The following AAK1 variants were observed in gnomAD, a reference collection of about 807,000 sequenced individuals.
AAK1 encodes AP2-associated protein kinase 1.
In AAK1, 37 loss-of-function variants were observed where a neutral mutation model predicts 116.0. The observed-to-expected ratio is 0.32, with a 90% CI of 0.25 to 0.42. The LOEUF (loss-of-function observed/expected upper bound fraction) is 0.42. Ranked by LOEUF, AAK1 falls within the 10% of genes least tolerant of loss-of-function variation. The pLI is 1.00. For synonymous variants in AAK1, 458 were observed against 439.9 expected, an observed-to-expected ratio of 1.04 and a Z score of -0.51; for missense variants, 919 against 1,170.6, an observed-to-expected ratio of 0.79 and a Z score of 3.14.
rs1558876391 is a variant in AAK1, at chr2:69,460,919, T to C, written c.*14950A>G. The C allele has an allele frequency of 1.3e-5, 2 of 152,242 alleles. No homozygotes were observed. The highest frequency in any genetic ancestry group is 6.5e-5 in the Admixed American group (1 of 15,280). 9.4% of individuals were successfully genotyped at this position (152,242 alleles called of 1,614,324 possible). On this transcript the variant is annotated 3_prime_UTR_variant, in exon 22 of 22. Coordinates refer to ENST00000409085, the MANE Select transcript of AAK1 (RefSeq NM_014911.5). ...TGGCTCGATGGTTTAGGAATAAATA[T>C]ATTCTGGCTCAATGCTTTCCACTGA...
intron 17 of AAK1, among the ~76,000 whole-genome samples, chr2:69,486,105 C>A (rs1675291555): frequency 6.6e-6 from 1 of 151,978 alleles, no homozygotes; most frequent in African/African-American, 2.4e-5. Flanking sequence ...CAGGCATGTA[C>A]CACCATGCTC....
At chr2:69,526,608 G>A (rs1022212996) in intron 9 of AAK1, among the ~76,000 whole-genome samples, 4 of 152,074 alleles carry the variant, frequency 2.6e-5, no homozygotes, top group Admixed American at 1.3e-4. Flanking sequence ...ATGCCCAGCC[G>A]TACTAGCAAC....
chr2:69,472,421 A>T lies in AAK1; in HGVS notation c.*3448T>A. On this transcript the variant is annotated 3_prime_UTR_variant, in exon 22 of 22. Coordinates refer to ENST00000409085, the MANE Select transcript of AAK1 (RefSeq NM_014911.5). ...CCTTGATATTATTTCTAAGGAGAGG[A>T]GTTTCAAAAATAACTTTAAGGATGG... 1 of 257,270 alleles carries T rather than the reference A, an allele frequency of 3.9e-6. No individual in the cohort carries two copies. The highest frequency in any genetic ancestry group is 6.1e-6 in the Non-Finnish European group (1 of 164,160). 15.9% of individuals were successfully genotyped at this position (257,270 alleles called of 1,614,324 possible).
intron 2 of AAK1, among the ~76,000 whole-genome samples, chr2:69,587,317 G>GCACATATATACACATATGCGTGCACACA (rs917580178): frequency 1.4e-5 from 2 of 147,822 alleles, no homozygotes; most frequent in African/African-American, 5.1e-5. Flanking sequence ...GTATATATAC[G>GCACATATATACACATATGCGTGCACACA]CACATATATA....
intron 13 of AAK1, among the ~76,000 whole-genome samples, chr2:69,509,680 T>C (rs1028496315): frequency 2.0e-5 from 3 of 152,184 alleles, no homozygotes; most frequent in East Asian, 1.9e-4. Context: ...ATTTGCCTGA[T>C]ACACATAAAT....
At chr2:69,620,306 T>C (rs1674543925) in intron 2 of AAK1, among the ~76,000 whole-genome samples, 1 of 152,206 alleles carries the variant, frequency 6.6e-6, no homozygotes, top group African/African-American at 2.4e-5. Context: ...CTGTCTCCTC[T>C]GGGACCTTGC....
chr2:69,601,750 G>A (rs1673589303), intron 2 of AAK1, among the ~76,000 whole-genome samples: 1 of 152,182 alleles, frequency 6.6e-6, no homozygotes, highest in Non-Finnish European at 1.5e-5. Flanking sequence ...AGCTCCAAGG[G>A]GTAGAGTCTA....
At chr2:69,496,548 G>C (rs1452384516) in intron 16 of AAK1, among the ~76,000 whole-genome samples, 1 of 152,082 alleles carries the variant, frequency 6.6e-6, no homozygotes, top group Non-Finnish European at 1.5e-5. Flanking sequence ...ACAGGCATGA[G>C]CCACCGCACC....
At chr2:69,518,295 A>T (rs950162893) in intron 12 of AAK1, among the ~76,000 whole-genome samples, 25 of 152,156 alleles carry the variant, frequency 1.6e-4, no homozygotes, top group African/African-American at 5.3e-4. Context: ...AAACAGTTAA[A>T]CACTAATGGA....
rs1225776797 is a variant in AAK1, at chr2:69,473,408, C to T, written c.*2461G>A. On this transcript the variant is annotated 3_prime_UTR_variant, in exon 22 of 22. Transcript: ENST00000409085. ...TGATGCTCTAAACCAAGGAAGGCTCCGTTTACCAAAGCACTCATATGTGTT... is the reference window on the plus strand; with the variant it reads ...TGATGCTCTAAACCAAGGAAGGCTCTGTTTACCAAAGCACTCATATGTGTT... 3.0e-6 allele frequency: 3 copies of T among 985,316 alleles called. No homozygotes were observed. Among genetic ancestry groups the T allele is most frequent in the Non-Finnish European group, 3.6e-6 (3 of 829,942 alleles). 61.0% of individuals were successfully genotyped at this position (985,316 alleles called of 1,614,324 possible).
chr2:69,549,464 C>A (rs979133471), intron 3 of AAK1, among the ~76,000 whole-genome samples: 15 of 152,162 alleles, frequency 9.9e-5, no homozygotes, highest in Non-Finnish European at 1.9e-4. Flanking sequence ...TCCCCTCTTT[C>A]TCTGACATGG....
chr2:69,545,859 G>A (rs886395193), intron 3 of AAK1, among the ~76,000 whole-genome samples: 1 of 152,136 alleles, frequency 6.6e-6, no homozygotes, highest in African/African-American at 2.4e-5. Context: ...CAATGAATGA[G>A]AGTTGAGCAA....
chr2:69,584,607 G>A (rs889285264), intron 2 of AAK1, among the ~76,000 whole-genome samples: 9 of 152,090 alleles, frequency 5.9e-5, no homozygotes, highest in Admixed American at 1.3e-4. Flanking sequence ...CAAGCTAAAC[G>A]TTACATCACA....
intron 3 of AAK1, among the ~76,000 whole-genome samples, chr2:69,545,608 G>C (rs1238819762): frequency 6.6e-6 from 1 of 152,122 alleles, no homozygotes; most frequent in East Asian, 1.9e-4. Flanking sequence ...AACAAAACAA[G>C]AGAAAACCCC....
At chr2:69,550,349 G>C (rs1172821710) in intron 3 of AAK1, among the ~76,000 whole-genome samples, 1 of 152,054 alleles carries the variant, frequency 6.6e-6, no homozygotes, top group Admixed American at 6.5e-5. Context: ...TCTGTCACCA[G>C]GCTGGAGTGC....
intron 2 of AAK1, among the ~76,000 whole-genome samples, chr2:69,623,306 A>C (rs1674748988): frequency 6.6e-6 from 1 of 152,218 alleles, no homozygotes; most frequent in Non-Finnish European, 1.5e-5. Flanking sequence ...AGTAAGACCA[A>C]GAACCCACCA....
chr2:69,482,958 T>C, intron 17 of AAK1, 146 bp from the exon 18 acceptor site: 1 of 608,588 alleles, frequency 1.6e-6, no homozygotes, highest in Non-Finnish European at 2.9e-6. Flanking sequence ...ATTAATATCT[T>C]GTTAACAACA....
rs560412110 is a variant in AAK1 at position 69,581,451 on chromosome 2, T to C, written c.164-24473A>G. ...AATCAGTGTGGCATTGTAGAGTGAA[T>C]GTATTTTTTTCTGCAATAATATAAG... is the stretch of plus-strand genomic sequence containing the variant. On this transcript the variant is annotated intron_variant, in intron 2 of 21. Coordinates refer to ENST00000409085, the MANE Select transcript of AAK1 (RefSeq NM_014911.5). Among the ~76,000 whole-genome samples, 17 of 152,300 alleles carry C rather than the reference T, an allele frequency of 1.1e-4. 1 individual carries two copies. The South Asian group carries it at 1.7e-3, about 15-fold the overall frequency.
At chr2:69,524,966 C>T in intron 10 of AAK1, 67 bp downstream of exon 10, 1 of 1,448,128 alleles carries the variant, frequency 6.9e-7, no homozygotes, top group Non-Finnish European at 9.7e-7. Flanking sequence ...AATCAAGAAA[C>T]ACAGGCATCA....
Sources: gnomAD v4.1 joint callset for allele counts (sites outside exome capture counted in the v4.1 genomes callset) on GRCh38, gnomAD v4.1.1 for gene constraint, MANE v1.5 for transcripts, NCBI Gene and HGNC (gene_info 2026-07-23, HGNC 2026-07-21) for gene names.